ANKS1B: variants seen among roughly 807,000 people sequenced by gnomAD.
ANKS1B encodes ankyrin repeat and sterile alpha motif domain-containing protein 1B.
Under a neutral mutation model 148.3 loss-of-function variants are expected in ANKS1B, and 36 were observed. The ratio of observed to expected loss-of-function variants is 0.24; its 90% CI spans 0.19 to 0.32. The LOEUF is 0.32. Among genes scored for constraint, ANKS1B ranks in the 10% least tolerant of loss-of-function variants. ANKS1B has a pLI of 1.00. For synonymous variants in ANKS1B, 542 were observed against 560.8 expected (o/e 0.97, Z 0.47); for missense variants, 1,157 against 1,542.6 (o/e 0.75, Z 4.19).
At chr12:99,633,015 T>C (rs1156421460) in intron 9 of ANKS1B, among the ~76,000 whole-genome samples, 3 of 147,214 alleles carry the variant, frequency 2.0e-5, no homozygotes, top group African/African-American at 7.5e-5. Flanking sequence ...CCATGTTTGG[T>C]TTTTGTCCTT....
chr12:99,269,088 C>A (rs1164468419), intron 12 of ANKS1B, among the ~76,000 whole-genome samples: 1 of 152,138 alleles, frequency 6.6e-6, no homozygotes, highest in East Asian at 1.9e-4. Context: ...AAAACAAAAT[C>A]CGGATATTTT....
At chr12:98,969,994 C>T (rs556627641) in intron 17 of ANKS1B, among the ~76,000 whole-genome samples, 11 of 152,288 alleles carry the variant, frequency 7.2e-5, no homozygotes, top group Admixed American at 3.3e-4. Context: ...CTAATCTTCA[C>T]ATTTCCTCCT....
intron 17 of ANKS1B, among the ~76,000 whole-genome samples, chr12:98,935,811 A>G (rs1342818694): frequency 1.3e-5 from 2 of 152,202 alleles, no homozygotes; most frequent in African/African-American, 4.8e-5. Context: ...AACTTCATTT[A>G]CAGAATTAGC....
chr12:99,074,597 C>A (rs1386438567), intron 16 of ANKS1B, among the ~76,000 whole-genome samples: 1 of 152,118 alleles, frequency 6.6e-6, no homozygotes, highest in Admixed American at 6.6e-5. Flanking sequence ...TCGATGTGAC[C>A]CCGTAGAACA....
chr12:99,555,438 T>G (rs570244129), intron 9 of ANKS1B, among the ~76,000 whole-genome samples: 15 of 152,342 alleles, frequency 9.8e-5, no homozygotes, highest in African/African-American at 3.1e-4. Flanking sequence ...TATTTATTTC[T>G]CTTGCCTGAT....
intron 9 of ANKS1B, among the ~76,000 whole-genome samples, chr12:99,571,200 C>T (rs575061534): frequency 6.6e-6 from 1 of 151,878 alleles, no homozygotes; most frequent in South Asian, 2.1e-4. Context: ...TGTGATTTAC[C>T]ATAACATGTG....
chr12:99,211,816 T>A (rs2083381647), intron 14 of ANKS1B, among the ~76,000 whole-genome samples: 1 of 152,176 alleles, frequency 6.6e-6, no homozygotes, highest in Admixed American at 6.5e-5. Flanking sequence ...GACCTGGAGC[T>A]CCTTTGCCTT....
intron 4 of ANKS1B, among the ~76,000 whole-genome samples, chr12:99,795,077 G>T (rs2066087764): frequency 6.6e-6 from 1 of 151,778 alleles, no homozygotes; most frequent in African/African-American, 2.4e-5. Context: ...AATAAAATAA[G>T]AGGATTCAAC....
intron 1 of ANKS1B, among the ~76,000 whole-genome samples, chr12:99,962,630 C>G (rs918398822): frequency 3.9e-5 from 6 of 152,198 alleles, no homozygotes; most frequent in African/African-American, 1.4e-4. Flanking sequence ...ACCACACTGT[C>G]TTCAACAATG....
intron 22 of ANKS1B, among the ~76,000 whole-genome samples, chr12:98,787,982 G>A (rs1055466362): frequency 2.6e-5 from 4 of 150,950 alleles, no homozygotes; most frequent in South Asian, 2.1e-4. Context: ...CTCTCAACAC[G>A]CTGAGAGCTC....
rs1416382640 is a variant in ANKS1B at position 99,058,873 on chromosome 12, G to T, written c.2626-5564C>A. On this transcript the variant is annotated intron_variant, in intron 16 of 26. Coordinates refer to ENST00000683438, the MANE Select transcript of ANKS1B (RefSeq NM_001352186.2). ...CTGCCTCAGCCTCCCGAGTAGCTGG[G>T]ACTACAGGCGCCCGCTACCACGCCC... is the stretch of plus-strand genomic sequence containing the variant. Among the ~76,000 whole-genome samples the T allele has an allele frequency of 2.7e-5, 4 of 150,626 alleles. No individual in the cohort carries two copies. In the East Asian group the frequency reaches 7.8e-4, roughly 29 times the overall value.
chr12:99,750,984 T>C (rs1319013911), intron 8 of ANKS1B, among the ~76,000 whole-genome samples: 1 of 152,114 alleles, frequency 6.6e-6, no homozygotes, highest in African/African-American at 2.4e-5. Context: ...ATCATTGATA[T>C]TCATGATTCA....
chr12:99,889,738 T>C lies in ANKS1B; in HGVS notation c.135-64349A>G, dbSNP rs925001515. Among the ~76,000 whole-genome samples the C allele has an allele frequency of 4.6e-5, 7 of 152,190 alleles. No individual in the cohort carries two copies. The South Asian group carries it at 1.0e-3, about 22-fold the overall frequency. On this transcript the variant is annotated intron_variant, in intron 1 of 26. Transcript: ENST00000683438. ...CATAATGTCATGGCATGTTAAAAGA[T>C]GAAAACCTAGTAACAAAGTCAATTA...
chr12:98,801,097 G>A lies in ANKS1B; in HGVS notation c.3170C>T (p.Thr1057Ile), dbSNP rs1387279424. 2 of 1,612,416 alleles carry A rather than the reference G, an allele frequency of 1.2e-6. No homozygotes were observed. The highest frequency in any genetic ancestry group is 1.7e-6 in the Non-Finnish European group (2 of 1,179,316). ...NTGDWGEPSI[T>I]LRPPNEATAS... ...TGTGGCTTCATTCGGAGGTCGCAAG[G>A]TAATGGAAGGTTCTCCCCAGTCTCC... is the stretch of plus-strand genomic sequence containing the variant. The change falls in exon 21 of 27, where the codon ACC (threonine) becomes ATC (isoleucine). Residue 1057 changes from threonine (T) to isoleucine (I), a missense_variant. By Grantham distance (89) the Thr-to-Ile change is moderately conservative. This residue lies in a region of ANKS1B where 258 missense variants were observed against 497.0 expected (regional missense o/e 0.52). Transcript: ENST00000683438. The surrounding 1 kb of genome is among the most constrained non-coding windows in gnomAD (Gnocchi z 5.2).
Position 99,154,398 on chromosome 12 carries a change from G to A in ANKS1B, c.2420-3C>T, listed in dbSNP as rs543014087. ...TGTTTGGACAGGGCATCTGGGTCCT[G>A]TAAGAGGATGAAGAGGGAAGCGTTT... is the stretch of plus-strand genomic sequence containing the variant. On this transcript the variant is annotated splice_region_variant and splice_polypyrimidine_tract_variant and intron_variant, in intron 14 of 26. Coordinates refer to ENST00000683438, the MANE Select transcript of ANKS1B (RefSeq NM_001352186.2). The A allele has an allele frequency of 1.1e-5, 17 of 1,613,806 alleles. No individual in the cohort carries two copies. The Admixed American group carries it at 2.3e-4, about 22-fold the overall frequency.
At chr12:99,977,263 C>T (rs886736880) in intron 1 of ANKS1B, among the ~76,000 whole-genome samples, 1 of 152,168 alleles carries the variant, frequency 6.6e-6, no homozygotes, top group African/African-American at 2.4e-5. Context: ...CCCCACCCAG[C>T]CTCTCAAGTA....
intron 10 of ANKS1B, among the ~76,000 whole-genome samples, chr12:99,468,927 A>C (rs1303381618): frequency 6.6e-6 from 1 of 152,170 alleles, no homozygotes; most frequent in African/African-American, 2.4e-5. Flanking sequence ...TGACCCAGCC[A>C]TCCCATTACT....
intron 9 of ANKS1B, among the ~76,000 whole-genome samples, chr12:99,512,852 G>C (rs1012870686): frequency 6.6e-6 from 1 of 151,994 alleles, no homozygotes; most frequent in Admixed American, 6.6e-5. Context: ...GCTGAACAAT[G>C]AGAACACATG....
At position 98,753,974 on chromosome 12, in the gene ANKS1B, G is replaced by A. The variant is rs556569528; in HGVS notation, c.3580-2452C>T. On this transcript the variant is annotated intron_variant, in intron 25 of 26. Transcript: ENST00000683438. ...GCAGGATGGTGCCTTCTGAGGCCATGGGAAAGAGGCCCAAGGGTTCTAGAC... is the reference window on the plus strand; with the variant it reads ...GCAGGATGGTGCCTTCTGAGGCCATAGGAAAGAGGCCCAAGGGTTCTAGAC... Among the ~76,000 whole-genome samples, 15 of 152,304 alleles carry A rather than the reference G, an allele frequency of 9.8e-5. No homozygotes were observed. In the South Asian group the frequency reaches 3.1e-3, roughly 32 times the overall value.
Sources: allele counts gnomAD v4.1 joint callset (sites outside exome capture counted in the v4.1 genomes callset), GRCh38; gene constraint gnomAD v4.1.1; regional missense constraint gnomAD v4.1.1; non-coding constraint Gnocchi (gnomAD v3.1); transcripts MANE v1.5; gene names NCBI Gene and HGNC (gene_info 2026-07-23, HGNC 2026-07-21).